The following RBFOX1 variants were observed in gnomAD, a reference collection of about 807,000 sequenced individuals.
The protein encoded by RBFOX1 is RNA binding protein fox-1 homolog 1.
RBFOX1 carries 8 observed loss-of-function variants against 57.7 expected under a neutral mutation model. That is an observed-to-expected ratio of 0.14 (90% CI 0.08 to 0.25). The LOEUF (loss-of-function observed/expected upper bound fraction) is 0.25. Among genes scored for constraint, RBFOX1 ranks in the 10% least tolerant of loss-of-function variants. The pLI is 1.00. For missense variants in RBFOX1, 611 were observed against 548.5 expected, an observed-to-expected ratio of 1.11 and a Z score of -1.14; for synonymous variants, 326 against 222.4, an observed-to-expected ratio of 1.47 and a Z score of -4.15.
chr16:6,814,247 T>TGGGGGGGGG (rs71378326), intron 3 of RBFOX1, among the ~76,000 whole-genome samples: 1 of 99,300 alleles, frequency 1.0e-5, no homozygotes, highest in African/African-American at 3.4e-5. Context: ...GAGAAAATTG[T>TGGGGGGGGG]GGTGGGGGGG....
chr16:5,839,250 C>T (rs1475299696), intron 3 of RBFOX1, among the ~76,000 whole-genome samples: 2 of 152,196 alleles, frequency 1.3e-5, no homozygotes, highest in Non-Finnish European at 2.9e-5. Context: ...CTGTTCAATA[C>T]TTATGAGGGA....
At chr16:7,468,953 A>C (rs1478785767) in intron 4 of RBFOX1, among the ~76,000 whole-genome samples, 3 of 150,592 alleles carry the variant, frequency 2.0e-5, no homozygotes, top group African/African-American at 7.3e-5. Flanking sequence ...TTTTTTTTTG[A>C]GGCAGAGTCT....
intron 2 of RBFOX1, among the ~76,000 whole-genome samples, chr16:6,388,517 A>G (rs1177993180): frequency 6.6e-6 from 1 of 152,094 alleles, no homozygotes; most frequent in Admixed American, 6.6e-5. Flanking sequence ...GTTGACAAAT[A>G]AAAATTGTGT....
chr16:7,274,163 G>A (rs1218576159), intron 4 of RBFOX1, among the ~76,000 whole-genome samples: 2 of 152,146 alleles, frequency 1.3e-5, no homozygotes, highest in East Asian at 1.9e-4. Flanking sequence ...GTTTCTCTCT[G>A]CGTTCTTTCA....
Position 7,711,923 on chromosome 16 carries a change from G to A in RBFOX1, c.*1178G>A, listed in dbSNP as rs185651266. On this transcript the variant is annotated 3_prime_UTR_variant, in exon 16 of 16. Transcript: ENST00000550418. ...TGAACAATCTGCAATTTTTCAGTCC[G>A]TGAGATCCTGCCCTTCCACCTCTTT... is the stretch of plus-strand genomic sequence containing the variant. 7 of 152,426 alleles carry A rather than the reference G, an allele frequency of 4.6e-5. No individual in the cohort carries two copies. The highest frequency in any genetic ancestry group is 6.6e-5 in the Admixed American group (1 of 15,258). The allele number at this position is 152,426 out of a possible 1,614,324, so 9.4% of individuals were successfully genotyped here.
chr16:6,995,178 T>A (rs771250534), intron 3 of RBFOX1, among the ~76,000 whole-genome samples: 3 of 152,118 alleles, frequency 2.0e-5, no homozygotes, highest in Non-Finnish European at 4.4e-5. Context: ...TCTCTTACAG[T>A]GTGGCTTTAC....
chr16:6,919,549 C>T (rs770896073), intron 3 of RBFOX1, among the ~76,000 whole-genome samples: 1 of 152,002 alleles, frequency 6.6e-6, no homozygotes. Context: ...AACCTACTCT[C>T]TTAGACATTT....
chr16:7,531,841 A>G (rs1460854508), intron 5 of RBFOX1, among the ~76,000 whole-genome samples: 1 of 152,152 alleles, frequency 6.6e-6, no homozygotes, highest in Non-Finnish European at 1.5e-5. Context: ...GCAAGTCTGT[A>G]GAGCTCTCAA....
intron 4 of RBFOX1, among the ~76,000 whole-genome samples, chr16:7,246,252 C>T (rs1056163152): frequency 6.6e-5 from 10 of 152,132 alleles, no homozygotes; most frequent in Non-Finnish European, 2.9e-5. Flanking sequence ...TCTCCACAGC[C>T]ACCACCCTAA....
chr16:6,601,722 G>A (rs1033860386), intron 2 of RBFOX1, among the ~76,000 whole-genome samples: 1 of 152,054 alleles, frequency 6.6e-6, no homozygotes, highest in African/African-American at 2.4e-5. Context: ...CATTCTCCCG[G>A]GTATATTTGT....
chr16:7,048,177 C>A (rs61553168), intron 3 of RBFOX1, among the ~76,000 whole-genome samples: 21,913 of 151,908 alleles, frequency 0.14, 1,664 homozygotes, highest in Middle Eastern at 0.19. Context: ...CCGTGCCCAG[C>A]CCAATATTTT....
chr16:7,027,394 A>G (rs146552568), intron 3 of RBFOX1, among the ~76,000 whole-genome samples: 27 of 152,318 alleles, frequency 1.8e-4, no homozygotes, highest in African/African-American at 6.3e-4. Flanking sequence ...ATGCCTAACA[A>G]AAACCCTGTA....
At position 7,127,220 on chromosome 16, in the gene RBFOX1, G is replaced by A. The variant is rs371683397; in HGVS notation, c.27+75122G>A. ...CAAATGCCTCCGAAAGCATAAAATC[G>A]TTATTCAGCATTCTCCATACTTTCC... On this transcript the variant is annotated intron_variant, in intron 4 of 15. Transcript: ENST00000550418. Among the ~76,000 whole-genome samples, 25 of 152,130 alleles carry A rather than the reference G, an allele frequency of 1.6e-4. No homozygotes were observed. In the South Asian group the frequency reaches 4.6e-3, roughly 28 times the overall value.
chr16:6,350,623 C>G (rs2086199490), intron 2 of RBFOX1, among the ~76,000 whole-genome samples: 1 of 152,144 alleles, frequency 6.6e-6, no homozygotes, highest in East Asian at 1.9e-4. Flanking sequence ...TATGAAAGAC[C>G]TTTTACTAGT....
intron 4 of RBFOX1, among the ~76,000 whole-genome samples, chr16:7,238,616 A>C (rs1290859043): frequency 1.1e-4 from 16 of 152,158 alleles, no homozygotes; most frequent in Admixed American, 1.0e-3. Flanking sequence ...AATAAAATGA[A>C]TATGCATTTC....
At position 6,189,331 on chromosome 16, in the gene RBFOX1, G is replaced by A. The variant is rs904641198; in HGVS notation, c.-126-127664G>A. On this transcript the variant is annotated intron_variant, in intron 1 of 15. Coordinates refer to ENST00000550418, the MANE Select transcript of RBFOX1 (RefSeq NM_018723.4). ...CATCAGGACACTGAGTGCCATTCCCGGAGTGCATTCAAGAGTCTAGTGCGC... is the reference window on the plus strand; with the variant it reads ...CATCAGGACACTGAGTGCCATTCCCAGAGTGCATTCAAGAGTCTAGTGCGC... Among the ~76,000 whole-genome samples, 17 of 152,178 alleles carry A rather than the reference G, an allele frequency of 1.1e-4. No individual in the cohort carries two copies. The East Asian group carries it at 1.2e-3, about 10-fold the overall frequency.
At chr16:6,230,383 G>T (rs1020022417) in intron 1 of RBFOX1, among the ~76,000 whole-genome samples, 3 of 152,188 alleles carry the variant, frequency 2.0e-5, no homozygotes, top group Non-Finnish European at 4.4e-5. Flanking sequence ...GAGAGAATTG[G>T]GGCTTTAACT....
At chr16:5,721,445 G>C (rs868122450) in intron 3 of RBFOX1, among the ~76,000 whole-genome samples, 2 of 152,052 alleles carry the variant, frequency 1.3e-5, no homozygotes, top group African/African-American at 4.8e-5. Flanking sequence ...TTTCCAAGCC[G>C]GATGCCTTTT....
chr16:5,948,007 T>C (rs1347662440), intron 4 of RBFOX1, among the ~76,000 whole-genome samples: 1 of 152,180 alleles, frequency 6.6e-6, no homozygotes, highest in Middle Eastern at 3.2e-3. Context: ...TGTTCATACA[T>C]TTTCATGGCA....
Sources: allele counts gnomAD v4.1 joint callset (sites outside exome capture counted in the v4.1 genomes callset), GRCh38; gene constraint gnomAD v4.1.1; transcripts MANE v1.5; gene names NCBI Gene and HGNC (gene_info 2026-07-23, HGNC 2026-07-21).